Variants in GRXCR1 observed in about 807,000 individuals in gnomAD.
The protein encoded by GRXCR1 is glutaredoxin domain-containing cysteine-rich protein 1.
Under a neutral mutation model 27.3 loss-of-function variants are expected in GRXCR1, and 27 were observed. The observed-to-expected ratio is 0.99, with a 90% CI of 0.73 to 1.37. The LOEUF (loss-of-function observed/expected upper bound fraction) is 1.37. Ranked by LOEUF, GRXCR1 falls within the 40% of genes most tolerant of loss-of-function variation. The probability of loss-of-function intolerance (pLI) is 0.00; values close to 1 mark genes in which losing one functional copy is unlikely to be tolerated. For synonymous variants in GRXCR1, 122 were observed against 131.1 expected, an observed-to-expected ratio of 0.93 and a Z score of 0.47; for missense variants, 379 against 354.4, an observed-to-expected ratio of 1.07 and a Z score of -0.56.
intron 1 of GRXCR1, among the ~76,000 whole-genome samples, chr4:42,915,860 T>G (rs1242473476): frequency 6.6e-6 from 1 of 152,162 alleles, no homozygotes; most frequent in African/African-American, 2.4e-5. Flanking sequence ...ATGTTTAGAT[T>G]TTTTTAAGAT....
intron 2 of GRXCR1, among the ~76,000 whole-genome samples, chr4:43,018,547 G>A (rs1713002596): frequency 2.0e-5 from 3 of 152,146 alleles, no homozygotes; most frequent in South Asian, 2.1e-4. Context: ...CTTGGCATAT[G>A]CGTTGTACTC....
At chr4:42,893,712 C>T (rs1247579205) in intron 1 of GRXCR1, 62 bp downstream of exon 1, 1 of 1,487,704 alleles carries the variant, frequency 6.7e-7, no homozygotes, top group East Asian at 2.3e-5. Context: ...GAACACCTCT[C>T]AGTTCTCCAG....
At chr4:43,007,120 A>T (rs1712585306) in intron 2 of GRXCR1, among the ~76,000 whole-genome samples, 1 of 152,242 alleles carries the variant, frequency 6.6e-6, no homozygotes, top group Admixed American at 6.5e-5. Flanking sequence ...GACAGCAATT[A>T]GGAAAATAAG....
chr4:43,030,023 T>G (rs1415986572), intron 3 of GRXCR1, among the ~76,000 whole-genome samples: 2 of 152,236 alleles, frequency 1.3e-5, no homozygotes, highest in African/African-American at 4.8e-5. Flanking sequence ...GTATTTTCCC[T>G]TAATACAAAA....
At chr4:42,947,023 T>C (rs1335917846) in intron 1 of GRXCR1, among the ~76,000 whole-genome samples, 1 of 152,060 alleles carries the variant, frequency 6.6e-6, no homozygotes, top group African/African-American at 2.4e-5. Flanking sequence ...CTAGAGATAG[T>C]GCTGCTTGAC....
chr4:43,017,732 A>G (rs934311470), intron 2 of GRXCR1, among the ~76,000 whole-genome samples: 1 of 152,204 alleles, frequency 6.6e-6, no homozygotes, highest in African/African-American at 2.4e-5. Context: ...GAGTGTATGT[A>G]AAAACAAACT....
At chr4:43,004,359 A>G (rs1412276835) in intron 2 of GRXCR1, among the ~76,000 whole-genome samples, 3 of 152,226 alleles carry the variant, frequency 2.0e-5, no homozygotes, top group African/African-American at 7.2e-5. Flanking sequence ...AGGGAACTGC[A>G]GAAGGGAAAT....
intron 1 of GRXCR1, among the ~76,000 whole-genome samples, chr4:42,957,080 C>G (rs939062341): frequency 3.3e-5 from 5 of 151,994 alleles, no homozygotes; most frequent in African/African-American, 1.2e-4. Context: ...ATCTTCCTCC[C>G]ATCTTAAGAT....
intron 2 of GRXCR1, among the ~76,000 whole-genome samples, chr4:42,980,155 C>G (rs568887828): frequency 6.6e-6 from 1 of 151,592 alleles, no homozygotes; most frequent in Non-Finnish European, 1.5e-5. Context: ...CTGTTCTCAT[C>G]TTTGTTAATT....
chr4:43,004,935 T>C (rs1470991766), intron 2 of GRXCR1, among the ~76,000 whole-genome samples: 1 of 152,136 alleles, frequency 6.6e-6, no homozygotes, highest in Non-Finnish European at 1.5e-5. Context: ...GAGAAGGACA[T>C]GAGATTTGGG....
At chr4:42,957,070 A>G (rs923745872) in intron 1 of GRXCR1, among the ~76,000 whole-genome samples, 7 of 152,044 alleles carry the variant, frequency 4.6e-5, no homozygotes, top group Non-Finnish European at 1.0e-4. Context: ...CAAACATGTT[A>G]TCTTCCTCCC....
chr4:42,918,315 C>A (rs1336291659), intron 1 of GRXCR1, among the ~76,000 whole-genome samples: 2 of 152,206 alleles, frequency 1.3e-5, no homozygotes, highest in Non-Finnish European at 2.9e-5. Flanking sequence ...TAAACACCTC[C>A]CATGAGGCCA....
intron 2 of GRXCR1, among the ~76,000 whole-genome samples, chr4:42,990,500 G>A (rs1469425380): frequency 6.6e-6 from 1 of 151,694 alleles, no homozygotes; most frequent in Non-Finnish European, 1.5e-5. Context: ...TCAAAACTAG[G>A]CATGAATTTA....
chr4:42,949,929 C>T (rs1747841810), intron 1 of GRXCR1, among the ~76,000 whole-genome samples: 1 of 152,182 alleles, frequency 6.6e-6, no homozygotes, highest in African/African-American at 2.4e-5. Flanking sequence ...AACTTCTCTT[C>T]ATCACACTGA....
chr4:42,910,752 A>G (rs1215648249), intron 1 of GRXCR1, among the ~76,000 whole-genome samples: 3 of 151,722 alleles, frequency 2.0e-5, no homozygotes, highest in South Asian at 2.1e-4. Flanking sequence ...CGCTGGACAC[A>G]CTCTCCCTTA....
intron 2 of GRXCR1, among the ~76,000 whole-genome samples, chr4:42,964,050 T>C (rs1339244066): frequency 6.6e-6 from 1 of 151,976 alleles, no homozygotes; most frequent in Admixed American, 6.6e-5. Flanking sequence ...TATGAAAAGA[T>C]AAATGTAGAG....
At chr4:43,013,355 T>C (rs77928573) in intron 2 of GRXCR1, among the ~76,000 whole-genome samples, 5,127 of 152,234 alleles carry the variant, frequency 0.034, 132 homozygotes, top group East Asian at 0.086. Flanking sequence ...CTGAGGGCCA[T>C]TATCATAAGT....
At chr4:42,897,140 G>T (rs902170537) in intron 1 of GRXCR1, among the ~76,000 whole-genome samples, 3 of 152,086 alleles carry the variant, frequency 2.0e-5, no homozygotes, top group African/African-American at 7.2e-5. Context: ...TCAACATATA[G>T]CTCATACCTG....
chr4:43,006,451 G>T (rs893770160), intron 2 of GRXCR1, among the ~76,000 whole-genome samples: 13 of 152,260 alleles, frequency 8.5e-5, no homozygotes, highest in Non-Finnish European at 1.5e-4. Flanking sequence ...CATGCCTGGA[G>T]ATATAGGCTT....
Sources: allele counts gnomAD v4.1 joint callset (sites outside exome capture counted in the v4.1 genomes callset), GRCh38; gene constraint gnomAD v4.1.1; transcripts MANE v1.5; gene names NCBI Gene and HGNC (gene_info 2026-07-23, HGNC 2026-07-21).